Variants in GRM4 observed in about 807,000 individuals in gnomAD.
The protein encoded by GRM4 is metabotropic glutamate receptor 4.
A neutral mutation model predicts 81.7 loss-of-function variants in GRM4; 28 were observed. The observed-to-expected ratio is 0.34, with a 90% CI of 0.25 to 0.47. GRM4 has a LOEUF of 0.47. Among genes scored for constraint, GRM4 ranks in the 20% least tolerant of loss-of-function variants. The probability of loss-of-function intolerance (pLI) is 1.00; values close to 1 mark genes in which losing one functional copy is unlikely to be tolerated. For missense variants in GRM4, 948 were observed against 1,290.0 expected, an observed-to-expected ratio of 0.73 and a Z score of 4.06; for synonymous variants, 488 against 528.8, an observed-to-expected ratio of 0.92 and a Z score of 1.06.
intron 6 of GRM4, chr6:34,054,410 C>G (rs1271651318): frequency 6.6e-6 from 1 of 151,910 alleles, no homozygotes; most frequent in Non-Finnish European, 1.5e-5. Flanking sequence ...GAACTCCGCC[C>G]GCCTCGGCCC....
intron 2 of GRM4, among the ~76,000 whole-genome samples, chr6:34,100,733 C>T (rs1768791229): frequency 6.6e-6 from 1 of 152,236 alleles, no homozygotes; most frequent in Non-Finnish European, 1.5e-5. Context: ...AGATCTCTGC[C>T]TTCTTGGGAC....
rs1768092260 is a variant in GRM4 at position 34,089,588 on chromosome 6, G to A, written c.736+2295C>T. Among the ~76,000 whole-genome samples, 1 of 152,230 alleles carries A rather than the reference G, an allele frequency of 6.6e-6. No homozygotes were observed. The highest frequency in any genetic ancestry group is 1.5e-5 in the Non-Finnish European group (1 of 68,024). ...CAGGCCCTCAGATGGTGCATGGGGT[G>A]TGGCAGGTATTGTGAGGGGCGCCTC... On this transcript the variant is annotated intron_variant, in intron 3 of 10. Coordinates refer to ENST00000538487, the MANE Select transcript of GRM4 (RefSeq NM_000841.4). This position sits in a 1 kb window ranked among gnomAD's most constrained non-coding sequence, Gnocchi z 4.3.
rs1442946660 is a variant in GRM4, at chr6:34,114,662, G to A, written c.519+18316C>T. ...CCCACCGGTGCCCACCCTCTACCCT[G>A]AGGACACTGCCCGGCTCCACCTCTG... On this transcript the variant is annotated intron_variant, in intron 2 of 10. Transcript: ENST00000538487. This position sits in a 1 kb window ranked among gnomAD's most constrained non-coding sequence, Gnocchi z 4.3. 6.6e-6 allele frequency among the ~76,000 whole-genome samples: 1 copy of A among 151,954 alleles called. No homozygotes were observed. Among genetic ancestry groups the A allele is most frequent in the African/African-American group, 2.4e-5 (1 of 41,322 alleles).
intron 2 of GRM4, chr6:34,102,087 C>T: frequency 6.5e-7 from 1 of 1,535,634 alleles, no homozygotes; most frequent in South Asian, 1.2e-5. Context: ...TTGGCGCCAT[C>T]ATGGGGAAAT....
intron 3 of GRM4, among the ~76,000 whole-genome samples, chr6:34,073,099 CACA>C (rs1581656604): frequency 6.9e-4 from 7 of 10,160 alleles, no homozygotes; most frequent in East Asian, 2.5e-3. Context: ...AGATACACAC[CACA>C]CACACACATC....
In GRM4 at chr6:34,090,363, C is replaced by A. The variant is rs1219409023; in HGVS notation, c.736+1520G>T. ...TTGAAGCCACAGAGGAGGAAAGGAGCCAGCAGAGCAGAGTGGGAGGTGCTG... is the reference window on the plus strand; with the variant it reads ...TTGAAGCCACAGAGGAGGAAAGGAGACAGCAGAGCAGAGTGGGAGGTGCTG... On this transcript the variant is annotated intron_variant, in intron 3 of 10. Transcript: ENST00000538487. The surrounding 1 kb of genome is among the most constrained non-coding windows in gnomAD (Gnocchi z 5.2). Among the ~76,000 whole-genome samples, 1 of 152,124 alleles carries A rather than the reference C, an allele frequency of 6.6e-6. No homozygotes were observed. The highest frequency in any genetic ancestry group is 2.4e-5 in the African/African-American group (1 of 41,426).
intron 3 of GRM4, among the ~76,000 whole-genome samples, chr6:34,082,810 C>T (rs1197016921): frequency 6.6e-6 from 1 of 152,192 alleles, no homozygotes; most frequent in Non-Finnish European, 1.5e-5. Context: ...GAAACTGAGG[C>T]ACAGAGCCCC....
Position 34,028,223 on chromosome 6 carries a change from G to C in GRM4, c.2586C>G (p.Ala862=). Residue 862 remains alanine (A), a synonymous_variant, in exon 10 of 11, where the codon GCC becomes GCG. Transcript: ENST00000538487. The stretch of plus-strand genomic sequence containing the variant: ...TGGACATGGTGGCCGCCGTAACGAC[G>C]GCTTTGAGGCTGCGCTTGCGCTTGG... The part of the protein sequence containing the change: ...NVPKRKRSLK[A]VVTAATMSNK... 6.2e-7 allele frequency: 1 copy of C among 1,614,102 alleles called. No homozygotes were observed. Among genetic ancestry groups the C allele is most frequent in the Admixed American group, 1.7e-5 (1 of 60,032 alleles).
rs1766201050 is a variant in GRM4, at chr6:34,061,929, C to T, written c.836G>A (p.Arg279Lys). Residue 279 changes from arginine to lysine, a missense_variant, in exon 4 of 11, where the codon AGG (arginine) becomes AAG (lysine). Transcript: ENST00000538487. ...IRRLLETSNA[R>K]AVIIFANEDD... ...CTCGTTGGCAAAGATGATGACTGCCCTGGCGTTCGAAGTCTCCAGGAGGCG... is the reference window on the plus strand; with the variant it reads ...CTCGTTGGCAAAGATGATGACTGCCTTGGCGTTCGAAGTCTCCAGGAGGCG... 4.3e-6 allele frequency: 7 copies of T among 1,613,860 alleles called. No individual in the cohort carries two copies. The highest frequency in any genetic ancestry group is 5.1e-6 in the Non-Finnish European group (6 of 1,179,774).
rs1769371756 is a variant in GRM4 at position 34,111,284 on chromosome 6, C to T, written c.520-19185G>A. Among the ~76,000 whole-genome samples the T allele has an allele frequency of 6.6e-6, 1 of 152,054 alleles. No homozygotes were observed. The highest frequency in any genetic ancestry group is 2.4e-5 in the African/African-American group (1 of 41,370). ...ACACACATTCAAGAGCAGCAGCTCA[C>T]ACAGGTGTGCCCACACACATATGAG... is the stretch of plus-strand genomic sequence containing the variant. On this transcript the variant is annotated intron_variant, in intron 2 of 10. Transcript: ENST00000538487. This position sits in a 1 kb window ranked among gnomAD's most constrained non-coding sequence, Gnocchi z 5.1.
rs1222430161 is a variant in GRM4 at position 34,042,200 on chromosome 6, A to G, written c.1169-1452T>C. Among the ~76,000 whole-genome samples the G allele has an allele frequency of 1.3e-5, 2 of 152,244 alleles. No individual in the cohort carries two copies. The highest frequency in any genetic ancestry group is 2.9e-5 in the Non-Finnish European group (2 of 68,046). ...AGGATCACATGAACCCGGGAGGCGG[A>G]GCTTGCAGTGAGCTGAGATTGCACC... On this transcript the variant is annotated intron_variant, in intron 6 of 10. Transcript: ENST00000538487. This position sits in a 1 kb window ranked among gnomAD's most constrained non-coding sequence, Gnocchi z 4.2.
At position 34,030,025 on chromosome 6, in the gene GRM4, AC is replaced by A. The variant is rs1764335020; in HGVS notation, c.2443-1660del. 2.0e-5 allele frequency among the ~76,000 whole-genome samples: 3 copies of A among 151,856 alleles called. No homozygotes were observed. In the East Asian group the frequency reaches 5.8e-4, roughly 29 times the overall value. ...ATCCTCAGATACTACTTACACTCTC[AC>A]CCCTGGGCATGGAGCTCTCCTGGAG... On this transcript the variant is annotated intron_variant, in intron 9 of 10. Coordinates refer to ENST00000538487, the MANE Select transcript of GRM4 (RefSeq NM_000841.4).
chr6:34,121,665 G>A lies in GRM4; in HGVS notation c.519+11313C>T, dbSNP rs1347622594. On this transcript the variant is annotated intron_variant, in intron 2 of 10. Coordinates refer to ENST00000538487, the MANE Select transcript of GRM4 (RefSeq NM_000841.4). This position sits in a 1 kb window ranked among gnomAD's most constrained non-coding sequence, Gnocchi z 4.6. Reference sequence around the variant, plus strand: ...TCTGCTGGGCCAGGGCCAGGGCTGAGCAGAGCATCCCTCCTCCTGGGGCAC... The same window carrying A: ...TCTGCTGGGCCAGGGCCAGGGCTGAACAGAGCATCCCTCCTCCTGGGGCAC... Among the ~76,000 whole-genome samples, 1 of 152,196 alleles carries A rather than the reference G, an allele frequency of 6.6e-6. No homozygotes were observed. The highest frequency in any genetic ancestry group is 1.5e-5 in the Non-Finnish European group (1 of 68,036).
intron 6 of GRM4, among the ~76,000 whole-genome samples, chr6:34,052,627 C>G (rs1027206277): frequency 1.3e-5 from 2 of 152,172 alleles, no homozygotes; most frequent in Non-Finnish European, 2.9e-5. Flanking sequence ...ACAGAGTGAG[C>G]TGATCCTAAA....
At chr6:34,137,983 G>T (rs1178017846) in intron 1 of GRM4, among the ~76,000 whole-genome samples, 2 of 152,092 alleles carry the variant, frequency 1.3e-5, no homozygotes, top group South Asian at 2.1e-4. Flanking sequence ...AAGCCAGAAA[G>T]AACCACAAAC....
intron 1 of GRM4, among the ~76,000 whole-genome samples, chr6:34,143,367 G>T (rs1770782852): frequency 6.6e-6 from 1 of 152,124 alleles, no homozygotes; most frequent in Non-Finnish European, 1.5e-5. Context: ...TGAGAGAGGG[G>T]ACAAGGCTCC....
intron 9 of GRM4, among the ~76,000 whole-genome samples, chr6:34,033,268 G>C (rs982542940): frequency 6.6e-6 from 1 of 152,210 alleles, no homozygotes; most frequent in African/African-American, 2.4e-5. Context: ...CCAGCCCCAA[G>C]GTCTGCCTCT....
At chr6:34,046,400 G>A (rs1292526153) in intron 6 of GRM4, among the ~76,000 whole-genome samples, 1 of 152,190 alleles carries the variant, frequency 6.6e-6, no homozygotes, top group Non-Finnish European at 1.5e-5. Flanking sequence ...GGCTTAGGCT[G>A]AGAAGTCCCC....
intron 2 of GRM4, among the ~76,000 whole-genome samples, chr6:34,105,675 GAC>G (rs1182428723): frequency 6.6e-6 from 1 of 152,126 alleles, no homozygotes. Flanking sequence ...CAGGCGAGGA[GAC>G]ACAGCATGCA....
Sources: allele counts gnomAD v4.1 joint callset (sites outside exome capture counted in the v4.1 genomes callset), GRCh38; gene constraint gnomAD v4.1.1; non-coding constraint Gnocchi (gnomAD v3.1); transcripts MANE v1.5; gene names NCBI Gene and HGNC (gene_info 2026-07-23, HGNC 2026-07-21).